The following AGBL4 variants were observed in gnomAD, a reference collection of about 807,000 sequenced individuals.
AGBL4 encodes the protein AGBL carboxypeptidase 4.
Under a neutral mutation model 66.4 loss-of-function variants are expected in AGBL4, and 58 were observed. The ratio of observed to expected loss-of-function variants is 0.87; its 90% CI spans 0.71 to 1.09. AGBL4 has a LOEUF of 1.09. Ranked by LOEUF, AGBL4 falls within the 50% of genes least tolerant of loss-of-function variation. AGBL4 has a pLI of 0.00. For missense variants in AGBL4, 579 were observed against 631.0 expected (o/e 0.92, Z 0.88); for synonymous variants, 234 against 222.9 (o/e 1.05, Z -0.44).
chr1:49,556,507 TA>T (rs1323950628), intron 3 of AGBL4, among the ~76,000 whole-genome samples: 104 of 100,944 alleles, frequency 1.0e-3, no homozygotes, highest in Admixed American at 4.1e-3. Context: ...TAAAGTATAA[TA>T]AAAAAAATTA....
chr1:49,660,997 C>T (rs1646259060), intron 3 of AGBL4, among the ~76,000 whole-genome samples: 1 of 151,950 alleles, frequency 6.6e-6, no homozygotes, highest in African/African-American at 2.4e-5. Context: ...ATAGCTAATG[C>T]ATGCTGGGCT....
chr1:49,382,636 A>G (rs1181333211), intron 3 of AGBL4, among the ~76,000 whole-genome samples: 1 of 152,206 alleles, frequency 6.6e-6, no homozygotes, highest in Non-Finnish European at 1.5e-5. Context: ...ACTTCTATTC[A>G]ATACAGTACT....
chr1:48,977,965 C>T (rs1267397468), intron 5 of AGBL4, among the ~76,000 whole-genome samples: 1 of 152,120 alleles, frequency 6.6e-6, no homozygotes, highest in Non-Finnish European at 1.5e-5. Flanking sequence ...CTTTAGATTA[C>T]ATATTATTAA....
chr1:49,197,944 T>C (rs1042320713), intron 4 of AGBL4, among the ~76,000 whole-genome samples: 1 of 152,180 alleles, frequency 6.6e-6, no homozygotes, highest in Non-Finnish European at 1.5e-5. Flanking sequence ...CTGCTGCTGC[T>C]AGGTCATAGT....
At chr1:49,161,859 T>A (rs926833899) in intron 4 of AGBL4, among the ~76,000 whole-genome samples, 1 of 152,188 alleles carries the variant, frequency 6.6e-6, no homozygotes, top group African/African-American at 2.4e-5. Flanking sequence ...CTCAGGATCA[T>A]GCCTCTTGGG....
intron 4 of AGBL4, among the ~76,000 whole-genome samples, chr1:49,094,215 AC>A (rs1298280576): frequency 6.6e-6 from 1 of 151,682 alleles, no homozygotes; most frequent in East Asian, 1.9e-4. Flanking sequence ...GTTGAATACT[AC>A]CCCCCACTCC....
intron 6 of AGBL4, among the ~76,000 whole-genome samples, chr1:48,841,437 G>A (rs1428112513): frequency 3.9e-5 from 5 of 127,056 alleles, no homozygotes; most frequent in Non-Finnish European, 7.9e-5. Context: ...GAGAGAAGGA[G>A]CAGGTTGTAG....
intron 4 of AGBL4, among the ~76,000 whole-genome samples, chr1:49,095,661 T>C (rs1031342081): frequency 3.7e-4 from 56 of 151,898 alleles, no homozygotes; most frequent in Non-Finnish European, 7.6e-4. Context: ...ACTGGATCCC[T>C]TCCTTACACC....
At chr1:49,643,300 GA>G (rs1645821019) in intron 3 of AGBL4, among the ~76,000 whole-genome samples, 1 of 151,034 alleles carries the variant, frequency 6.6e-6, no homozygotes, top group Non-Finnish European at 1.5e-5. Context: ...TAATAGAGGG[GA>G]AAAAAAGACA....
intron 1 of AGBL4, among the ~76,000 whole-genome samples, chr1:49,866,703 G>T (rs1360265901): frequency 6.6e-6 from 1 of 152,026 alleles, no homozygotes; most frequent in African/African-American, 2.4e-5. Flanking sequence ...GGTGGAGGTT[G>T]CAATGAGCCG....
chr1:49,170,442 A>G (rs886392913), intron 4 of AGBL4, among the ~76,000 whole-genome samples: 4 of 142,708 alleles, frequency 2.8e-5, no homozygotes, highest in African/African-American at 1.0e-4. Flanking sequence ...AAATAAATAT[A>G]TATGTTTATA....
At chr1:48,552,100 G>A (rs1411526269) in intron 11 of AGBL4, among the ~76,000 whole-genome samples, 1 of 152,098 alleles carries the variant, frequency 6.6e-6, no homozygotes, top group Non-Finnish European at 1.5e-5. Context: ...GTCTTGCTCT[G>A]TCGCTCAGGC....
chr1:48,900,357 C>G (rs1651965596), intron 5 of AGBL4, among the ~76,000 whole-genome samples: 1 of 152,204 alleles, frequency 6.6e-6, no homozygotes, highest in African/African-American at 2.4e-5. Context: ...TCCACTAAAT[C>G]CTAGCAGGCT....
intron 11 of AGBL4, among the ~76,000 whole-genome samples, chr1:48,548,548 G>A (rs1002482822): frequency 1.3e-5 from 2 of 152,250 alleles, no homozygotes; most frequent in South Asian, 2.1e-4. Context: ...GAGCAGCTTC[G>A]GCAGAGACAA....
At chr1:49,528,042 T>C (rs1226271136) in intron 3 of AGBL4, among the ~76,000 whole-genome samples, 1 of 152,090 alleles carries the variant, frequency 6.6e-6, no homozygotes, top group East Asian at 1.9e-4. Flanking sequence ...ACAGCAAGTC[T>C]CTGGGTACGT....
At chr1:49,542,136 C>G (rs930393029) in intron 3 of AGBL4, among the ~76,000 whole-genome samples, 4 of 152,162 alleles carry the variant, frequency 2.6e-5, no homozygotes, top group African/African-American at 7.2e-5. Context: ...CCAATCAGCT[C>G]TCTGTAAAAC....
intron 2 of AGBL4, among the ~76,000 whole-genome samples, chr1:49,846,812 A>G (rs1354303294): frequency 6.6e-6 from 1 of 152,236 alleles, no homozygotes; most frequent in East Asian, 1.9e-4. Flanking sequence ...TCCCATACTC[A>G]TGGAGCAGAA....
At position 49,522,514 on chromosome 1, in the gene AGBL4, A is replaced by G. The variant is rs145023650; in HGVS notation, c.282+174799T>C. Among the ~76,000 whole-genome samples, 791 of 152,238 alleles carry G rather than the reference A, an allele frequency of 5.2e-3. 9 individuals carry two copies. Among genetic ancestry groups the G allele is most frequent in the Middle Eastern group, 0.017 (5 of 294 alleles). On this transcript the variant is annotated intron_variant, in intron 3 of 13. Coordinates refer to ENST00000371839, the MANE Select transcript of AGBL4 (RefSeq NM_032785.4). Reference sequence around the variant, plus strand: ...GCCCTATTAGACTATAAGAACTGTAATCACTAGTGCCTGGTTTTGCTCAAT... The same window carrying G: ...GCCCTATTAGACTATAAGAACTGTAGTCACTAGTGCCTGGTTTTGCTCAAT...
intron 6 of AGBL4, among the ~76,000 whole-genome samples, chr1:48,860,845 T>G (rs1168918064): frequency 6.6e-6 from 1 of 152,192 alleles, no homozygotes; most frequent in African/African-American, 2.4e-5. Context: ...CTCAAAGTGA[T>G]CTTACAAATT....
Sources: gnomAD v4.1 joint callset for allele counts (sites outside exome capture counted in the v4.1 genomes callset) on GRCh38, gnomAD v4.1.1 for gene constraint, MANE v1.5 for transcripts, NCBI Gene and HGNC (gene_info 2026-07-23, HGNC 2026-07-21) for gene names.